The following TMTC3 variants were observed in gnomAD, a reference collection of about 807,000 sequenced individuals.
TMTC3 encodes protein O-mannosyl-transferase TMTC3.
Under a neutral mutation model 92.2 loss-of-function variants are expected in TMTC3, and 52 were observed. That is an observed-to-expected ratio of 0.56 (90% confidence interval 0.45 to 0.71). The LOEUF (loss-of-function observed/expected upper bound fraction) is 0.71. TMTC3 is among the 30% of genes least tolerant of loss of function. TMTC3 has a pLI of 0.00. For missense variants in TMTC3, 896 were observed against 1,057.1 expected, an observed-to-expected ratio of 0.85 and a Z score of 2.11; for synonymous variants, 339 against 363.3, an observed-to-expected ratio of 0.93 and a Z score of 0.76.
chr12:88,190,107 AACAC>A (rs1347669866), intron 11 of TMTC3, among the ~76,000 whole-genome samples: 13 of 152,302 alleles, frequency 8.5e-5, no homozygotes, highest in South Asian at 8.3e-4. Flanking sequence ...TGTAAAAGAA[AACAC>A]ACACAAAAAT....
intron 12 of TMTC3, among the ~76,000 whole-genome samples, chr12:88,191,564 T>A (rs1451845056): frequency 6.6e-6 from 1 of 152,188 alleles, no homozygotes; most frequent in Non-Finnish European, 1.5e-5. Flanking sequence ...TTTTAAAATT[T>A]TCTAACAGAA....
chr12:88,172,221 A>G (rs527798468), intron 7 of TMTC3, among the ~76,000 whole-genome samples: 1 of 152,226 alleles, frequency 6.6e-6, no homozygotes, highest in East Asian at 1.9e-4. Flanking sequence ...CCAGTGAGAT[A>G]TAGCTAATTA....
At chr12:88,164,250 C>T (rs921009890) in intron 6 of TMTC3, among the ~76,000 whole-genome samples, 1 of 149,190 alleles carries the variant, frequency 6.7e-6, no homozygotes, top group African/African-American at 2.5e-5. Context: ...AGACCCTCTA[C>T]AGATGTCTCA....
chr12:88,145,201 C>T (rs1299822571), intron 1 of TMTC3, among the ~76,000 whole-genome samples: 1 of 152,084 alleles, frequency 6.6e-6, no homozygotes. Flanking sequence ...CATTTTGTAT[C>T]CATTGTGTGT....
chr12:88,172,499 AT>A, intron 7 of TMTC3, 97 bp from the exon 8 acceptor site: 1 of 606,472 alleles, frequency 1.6e-6, no homozygotes, highest in Non-Finnish European at 2.3e-6. Flanking sequence ...ATGATAAAAT[AT>A]TTGGATTCAA....
intron 7 of TMTC3, among the ~76,000 whole-genome samples, chr12:88,169,865 A>G (rs942697162): frequency 2.0e-5 from 3 of 151,802 alleles, no homozygotes; most frequent in Non-Finnish European, 4.4e-5. Context: ...CTTGAGCCCA[A>G]GAGTTCAAGA....
In TMTC3 at chr12:88,160,671, T is replaced by C. The variant is rs750590784; in HGVS notation, c.625-8T>C. On this transcript the variant is annotated splice_polypyrimidine_tract_variant and splice_region_variant and intron_variant, in intron 5 of 13. Transcript: ENST00000266712. The stretch of plus-strand genomic sequence containing the variant: ...TTTGTTGCTTAAAACATTTCTTTTC[T>C]TTTTCAGTATACTTTGCCATTACTA... 6.2e-6 allele frequency: 10 copies of C among 1,611,396 alleles called. No homozygotes were observed. The South Asian group carries it at 1.0e-4, about 16-fold the overall frequency.
rs1255508138 is a variant in TMTC3, at chr12:88,188,922, G to A, written c.1512G>A (p.Met504Ile). Residue 504 changes from methionine (M) to isoleucine (I), a missense_variant, in exon 11 of 14, where the codon ATG becomes ATA. Transcript: ENST00000266712. ...CCAAAGAAGCTGAAGAATCTTACAT[G>A]ATGGCTAAATCACTGATGCCTCAAG... ...NRTKEAEESYMMAKSLMPQII... is the reference protein window; with the variant it reads ...NRTKEAEESYIMAKSLMPQII... 1 of 1,600,428 alleles carries A rather than the reference G, an allele frequency of 6.2e-7. No homozygotes were observed. Among genetic ancestry groups the A allele is most frequent in the Non-Finnish European group, 8.5e-7 (1 of 1,173,022 alleles).
intron 10 of TMTC3, among the ~76,000 whole-genome samples, chr12:88,185,097 T>G (rs1195525819): frequency 3.9e-5 from 6 of 152,150 alleles, no homozygotes; most frequent in Non-Finnish European, 7.4e-5. Flanking sequence ...TACAATAGAC[T>G]ATACATGTTT....
intron 10 of TMTC3, among the ~76,000 whole-genome samples, chr12:88,182,975 G>A (rs2041334777): frequency 6.6e-6 from 1 of 152,170 alleles, no homozygotes; most frequent in Non-Finnish European, 1.5e-5. Context: ...AGACCCTGTT[G>A]AAGGGGCCCT....
At chr12:88,188,803 G>C (rs370693191) in intron 10 of TMTC3, 40 bp from the exon 11 acceptor site, 1 of 1,028,162 alleles carries the variant, frequency 9.7e-7, no homozygotes, top group Non-Finnish European at 1.5e-6. Context: ...GAATATATCA[G>C]TTGTATACTT....
intron 9 of TMTC3, among the ~76,000 whole-genome samples, chr12:88,175,068 T>A (rs2041244586): frequency 6.6e-6 from 1 of 152,100 alleles, no homozygotes; most frequent in African/African-American, 2.4e-5. Flanking sequence ...CAAATAAGTC[T>A]TACAGTGAAA....
intron 1 of TMTC3, among the ~76,000 whole-genome samples, chr12:88,147,222 T>C (rs2040887222): frequency 6.6e-6 from 1 of 152,090 alleles, no homozygotes; most frequent in Non-Finnish European, 1.5e-5. Context: ...AGTATAACTT[T>C]AAAGCACTGA....
At chr12:88,170,859 T>C (rs891095009) in intron 7 of TMTC3, among the ~76,000 whole-genome samples, 3 of 152,180 alleles carry the variant, frequency 2.0e-5, no homozygotes, top group Non-Finnish European at 4.4e-5. Context: ...TTTTTATGGG[T>C]GTATAATGTG....
chr12:88,184,572 A>T (rs1158788756), intron 10 of TMTC3, among the ~76,000 whole-genome samples: 1 of 152,222 alleles, frequency 6.6e-6, no homozygotes, highest in African/African-American at 2.4e-5. Flanking sequence ...TAATGCAGGG[A>T]AGAAGGCTGA....
intron 10 of TMTC3, among the ~76,000 whole-genome samples, chr12:88,187,470 A>G (rs2041391128): frequency 6.6e-6 from 1 of 152,076 alleles, no homozygotes; most frequent in Non-Finnish European, 1.5e-5. Context: ...TTTAAACTAC[A>G]CAGGTATTCT....
At chr12:88,143,195 T>TAG in intron 1 of TMTC3, among the ~76,000 whole-genome samples, 1 of 152,128 alleles carries the variant, frequency 6.6e-6, no homozygotes, top group African/African-American at 2.4e-5. Flanking sequence ...AAAAAAAAAT[T>TAG]ACTGTACTTG....
chr12:88,160,917 A>G, intron 6 of TMTC3, 66 bp downstream of exon 6: 2 of 1,429,744 alleles, frequency 1.4e-6, no homozygotes, highest in Non-Finnish European at 1.9e-6. Flanking sequence ...ATGATCATAA[A>G]TGTTGAAGAA....
At chr12:88,166,863 A>C (rs1290860560) in intron 7 of TMTC3, among the ~76,000 whole-genome samples, 1 of 152,166 alleles carries the variant, frequency 6.6e-6, no homozygotes, top group Non-Finnish European at 1.5e-5. Flanking sequence ...TTTTCTTGGC[A>C]CAGAGAAGAA....
Sources: allele counts gnomAD v4.1 joint callset (sites outside exome capture counted in the v4.1 genomes callset), GRCh38; gene constraint gnomAD v4.1.1; transcripts MANE v1.5; gene names NCBI Gene and HGNC (gene_info 2026-07-23, HGNC 2026-07-21).